Variants in TSHZ2 observed in about 807,000 individuals in gnomAD.
TSHZ2 encodes teashirt homolog 2.
Under a neutral mutation model 74.4 loss-of-function variants are expected in TSHZ2, and 21 were observed. That is an observed-to-expected ratio of 0.28 (90% CI 0.20 to 0.41). The LOEUF is 0.41. TSHZ2 is among the 10% of genes least tolerant of loss of function. The pLI is 1.00. For synonymous variants in TSHZ2, 540 were observed against 515.3 expected, an observed-to-expected ratio of 1.05 and a Z score of -0.65; for missense variants, 1,244 against 1,293.5, an observed-to-expected ratio of 0.96 and a Z score of 0.59.
chr20:53,343,219 A>C (rs913110098), intron 2 of TSHZ2, among the ~76,000 whole-genome samples: 1 of 152,004 alleles, frequency 6.6e-6, no homozygotes, highest in Non-Finnish European at 1.5e-5. Flanking sequence ...TGCCCATCTC[A>C]GCCTCCCAAA....
At chr20:53,117,051 G>C (rs1324134634) in intron 1 of TSHZ2, among the ~76,000 whole-genome samples, 2 of 152,092 alleles carry the variant, frequency 1.3e-5, no homozygotes, top group African/African-American at 2.4e-5. Context: ...AAGAGAGAGA[G>C]AGAATGCTTC....
chr20:53,374,203 C>G (rs1457791871), intron 2 of TSHZ2, among the ~76,000 whole-genome samples: 2 of 152,166 alleles, frequency 1.3e-5, no homozygotes, highest in Non-Finnish European at 2.9e-5. Flanking sequence ...CATAGGCACT[C>G]AATGTCCAGC....
intron 1 of TSHZ2, among the ~76,000 whole-genome samples, chr20:53,052,204 G>A (rs1984492846): frequency 6.6e-6 from 1 of 152,040 alleles, no homozygotes; most frequent in Non-Finnish European, 1.5e-5. Context: ...GACTATTTTA[G>A]GTACCTCATG....
At chr20:53,390,079 C>G (rs568781781) in intron 2 of TSHZ2, among the ~76,000 whole-genome samples, 2 of 152,142 alleles carry the variant, frequency 1.3e-5, no homozygotes, top group African/African-American at 2.4e-5. Flanking sequence ...GCAGAGAGAG[C>G]GACTTTAGGG....
At position 53,043,704 on chromosome 20, in the gene TSHZ2, C is replaced by T. The variant is rs73620422; in HGVS notation, c.40+70371C>T. Among the ~76,000 whole-genome samples the T allele has an allele frequency of 1.2e-4, 18 of 151,854 alleles. No homozygotes were observed. The East Asian group carries it at 3.1e-3, about 26-fold the overall frequency. ...CCATTACCAGAACAATTTCTTCATT[C>T]GAATATAGGATTTGTATATATTTAT... On this transcript the variant is annotated intron_variant, in intron 1 of 2. Coordinates refer to ENST00000371497, the MANE Select transcript of TSHZ2 (RefSeq NM_173485.6).
chr20:53,410,391 A>G (rs1041456055), intron 2 of TSHZ2, among the ~76,000 whole-genome samples: 1 of 152,072 alleles, frequency 6.6e-6, no homozygotes, highest in African/African-American at 2.4e-5. Context: ...TGTAAGAAAA[A>G]ACAGAGCAAA....
chr20:53,167,092 A>C (rs1270452339), intron 1 of TSHZ2, among the ~76,000 whole-genome samples: 1 of 152,238 alleles, frequency 6.6e-6, no homozygotes, highest in African/African-American at 2.4e-5. Context: ...CAGCAGGTAC[A>C]AAGGTCCTGG....
At chr20:53,332,167 C>T (rs1419093986) in intron 2 of TSHZ2, among the ~76,000 whole-genome samples, 2 of 152,136 alleles carry the variant, frequency 1.3e-5, no homozygotes, top group Non-Finnish European at 2.9e-5. Context: ...GCCTGGGACT[C>T]ACCCTGCCGA....
At chr20:52,988,740 AC>A (rs1403676636) in intron 1 of TSHZ2, among the ~76,000 whole-genome samples, 1 of 152,184 alleles carries the variant, frequency 6.6e-6, no homozygotes, top group African/African-American at 2.4e-5. Flanking sequence ...GTTTCACTAA[AC>A]AAAAGTAGAA....
chr20:53,209,213 G>C (rs1190105710), intron 1 of TSHZ2, among the ~76,000 whole-genome samples: 2 of 152,022 alleles, frequency 1.3e-5, no homozygotes, highest in East Asian at 3.9e-4. Context: ...TCAGCCTCCT[G>C]AGTAGCTGGG....
chr20:53,240,916 A>G (rs1990053746), intron 1 of TSHZ2, among the ~76,000 whole-genome samples: 1 of 152,134 alleles, frequency 6.6e-6, no homozygotes, highest in African/African-American at 2.4e-5. Context: ...AATATCAAGA[A>G]CAAGACAATG....
intron 1 of TSHZ2, among the ~76,000 whole-genome samples, chr20:53,193,252 A>T (rs1355345748): frequency 6.6e-6 from 1 of 151,768 alleles, no homozygotes; most frequent in South Asian, 2.1e-4. Flanking sequence ...ACTCCTAGAG[A>T]TTCAGAGAAA....
chr20:53,013,554 G>A (rs1189971707), intron 1 of TSHZ2, among the ~76,000 whole-genome samples: 1 of 152,156 alleles, frequency 6.6e-6, no homozygotes, highest in Non-Finnish European at 1.5e-5. Context: ...GAGAATCCTT[G>A]TCATCCATTC....
intron 1 of TSHZ2, among the ~76,000 whole-genome samples, chr20:52,994,366 A>T (rs1423506181): frequency 6.6e-6 from 1 of 152,146 alleles, no homozygotes; most frequent in Non-Finnish European, 1.5e-5. Flanking sequence ...GGATTGATGG[A>T]TGGATGGATG....
At chr20:53,245,281 G>T (rs1415723218) in intron 1 of TSHZ2, among the ~76,000 whole-genome samples, 4 of 152,196 alleles carry the variant, frequency 2.6e-5, no homozygotes, top group Non-Finnish European at 4.4e-5. Context: ...ACATTACACA[G>T]TACACCAAGG....
intron 1 of TSHZ2, among the ~76,000 whole-genome samples, chr20:53,013,629 T>C (rs1303400519): frequency 1.3e-5 from 2 of 152,192 alleles, no homozygotes; most frequent in Non-Finnish European, 2.9e-5. Context: ...TATCATCCCT[T>C]TAATTGTGGT....
At chr20:53,050,406 G>A (rs1262529988) in intron 1 of TSHZ2, among the ~76,000 whole-genome samples, 1 of 151,986 alleles carries the variant, frequency 6.6e-6, no homozygotes, top group Non-Finnish European at 1.5e-5. Flanking sequence ...ACCTTAGTCT[G>A]ATACATTAGA....
At chr20:53,156,952 CAAG>C (rs1467078693) in intron 1 of TSHZ2, among the ~76,000 whole-genome samples, 9 of 152,160 alleles carry the variant, frequency 5.9e-5, no homozygotes, top group Non-Finnish European at 1.2e-4. Flanking sequence ...AGAAGTTAAG[CAAG>C]AAGGTGCAGA....
At chr20:53,062,538 CCT>C (rs1984855308) in intron 1 of TSHZ2, among the ~76,000 whole-genome samples, 1 of 152,176 alleles carries the variant, frequency 6.6e-6, no homozygotes, top group African/African-American at 2.4e-5. Flanking sequence ...CATAAACCAA[CCT>C]CTGTTACCTT....
Sources: allele counts gnomAD v4.1 joint callset (sites outside exome capture counted in the v4.1 genomes callset), GRCh38; gene constraint gnomAD v4.1.1; transcripts MANE v1.5; gene names NCBI Gene and HGNC (gene_info 2026-07-23, HGNC 2026-07-21).